The following GNA14 variants were observed in gnomAD, a reference collection of about 807,000 sequenced individuals.
The protein encoded by GNA14 is G protein subunit alpha 14.
A neutral mutation model predicts 42.0 loss-of-function variants in GNA14; 50 were observed. That is an observed-to-expected ratio of 1.19 (90% CI 0.95 to 1.51). The LOEUF is 1.51. GNA14 is among the 40% of genes most tolerant of loss of function. The pLI is 0.00. For synonymous variants in GNA14, 173 were observed against 163.1 expected (o/e 1.06, Z -0.46); for missense variants, 473 against 446.2 (o/e 1.06, Z -0.54).
intron 3 of GNA14, among the ~76,000 whole-genome samples, chr9:77,433,109 C>A (rs1432363229): frequency 2.0e-5 from 3 of 152,202 alleles, no homozygotes; most frequent in African/African-American, 7.2e-5. Flanking sequence ...ATTGAAACCA[C>A]AGGAGGTGAC....
At chr9:77,637,008 G>T (rs535199227) in intron 1 of GNA14, among the ~76,000 whole-genome samples, 1 of 152,264 alleles carries the variant, frequency 6.6e-6, no homozygotes, top group African/African-American at 2.4e-5. Flanking sequence ...GCAGTTTTTA[G>T]GAGCACAGTT....
At chr9:77,515,970 A>AAAAAAAAAAAC (rs1554693931) in intron 2 of GNA14, among the ~76,000 whole-genome samples, 6 of 148,216 alleles carry the variant, frequency 4.0e-5, no homozygotes, top group Non-Finnish European at 8.9e-5. Context: ...CAAAAAAAAA[A>AAAAAAAAAAAC]AAAAAAAAAA....
rs565348026 is a variant in GNA14 at position 77,490,920 on chromosome 9, G to A, written c.309+38149C>T. Among the ~76,000 whole-genome samples, 9 of 152,348 alleles carry A rather than the reference G, an allele frequency of 5.9e-5. No individual in the cohort carries two copies. The East Asian group carries it at 1.5e-3, about 26-fold the overall frequency. On this transcript the variant is annotated intron_variant, in intron 2 of 6. Transcript: ENST00000341700. ...CGCCGAGAGCGAGCAAGGGCTGTGA[G>A]GACTGCCAGCACGCTGTCACGTCTC...
chr9:77,489,680 A>G (rs1019436008), intron 2 of GNA14, among the ~76,000 whole-genome samples: 3 of 151,800 alleles, frequency 2.0e-5, no homozygotes, highest in Non-Finnish European at 4.4e-5. Context: ...TCAGGAGTGA[A>G]GCTGCAGACC....
intron 2 of GNA14, among the ~76,000 whole-genome samples, chr9:77,506,159 G>A (rs568979789): frequency 6.6e-6 from 1 of 151,886 alleles, no homozygotes; most frequent in East Asian, 1.9e-4. Flanking sequence ...GTGCATGCCT[G>A]TAGTACTACC....
intron 2 of GNA14, among the ~76,000 whole-genome samples, chr9:77,481,354 C>G (rs1293563731): frequency 1.3e-5 from 2 of 152,086 alleles, no homozygotes; most frequent in East Asian, 3.9e-4. Context: ...TGTAGTTGAG[C>G]GGTTTTAAGT....
chr9:77,494,738 A>G (rs1441085776), intron 2 of GNA14, among the ~76,000 whole-genome samples: 1 of 152,196 alleles, frequency 6.6e-6, no homozygotes, highest in Admixed American at 6.5e-5. Context: ...ATGAGAGAAG[A>G]AAGGGCCTTC....
intron 2 of GNA14, among the ~76,000 whole-genome samples, chr9:77,462,725 CGGGGGGTG>C (rs1364903426): frequency 3.2e-4 from 4 of 12,540 alleles, no homozygotes; most frequent in African/African-American, 1.6e-3. Context: ...CATCTCGGGG[CGGGGGGTG>C]GGGGGGTGGG....
intron 1 of GNA14, among the ~76,000 whole-genome samples, chr9:77,543,347 G>T (rs1564049617): frequency 2.0e-5 from 3 of 152,146 alleles, no homozygotes; most frequent in African/African-American, 7.2e-5. Flanking sequence ...AGCTGCAGTG[G>T]GATTTGTCCT....
chr9:77,588,245 T>C (rs933510653), intron 1 of GNA14, among the ~76,000 whole-genome samples: 1 of 152,192 alleles, frequency 6.6e-6, no homozygotes, highest in Non-Finnish European at 1.5e-5. Flanking sequence ...TGGGGGGCTA[T>C]CACTCCATCC....
rs189236969 is a variant in GNA14 at position 77,584,955 on chromosome 9, T to C, written c.125-55702A>G. Reference sequence around the variant, plus strand: ...AGAGGTCACTCATGGCTATCTTGGTTTTGGTGGGATTTAGCCGGCTTCTTT... The same window carrying C: ...AGAGGTCACTCATGGCTATCTTGGTCTTGGTGGGATTTAGCCGGCTTCTTT... On this transcript the variant is annotated intron_variant, in intron 1 of 6. Transcript: ENST00000341700. Among the ~76,000 whole-genome samples the C allele has an allele frequency of 3.4e-3, 511 of 152,078 alleles. 1 individual carries two copies. The highest frequency in any genetic ancestry group is 0.012 in the African/African-American group (499 of 41,502).
At chr9:77,539,069 G>C (rs946803663) in intron 1 of GNA14, among the ~76,000 whole-genome samples, 1 of 152,162 alleles carries the variant, frequency 6.6e-6, no homozygotes, top group African/African-American at 2.4e-5. Context: ...GTGAAAGTGG[G>C]CATCCTTGTC....
intron 2 of GNA14, 68 bp from the exon 3 acceptor site, chr9:77,434,590 A>T: frequency 7.2e-7 from 1 of 1,396,898 alleles, no homozygotes; most frequent in Non-Finnish European, 1.0e-6. Flanking sequence ...CAATGTCGGT[A>T]CAAGTCTTGC....
chr9:77,497,568 T>C (rs1354000653), intron 2 of GNA14, among the ~76,000 whole-genome samples: 1 of 152,212 alleles, frequency 6.6e-6, no homozygotes, highest in African/African-American at 2.4e-5. Context: ...TTTACAACTA[T>C]GTAATAATTA....
intron 2 of GNA14, among the ~76,000 whole-genome samples, chr9:77,506,130 A>G (rs1837064330): frequency 6.6e-6 from 1 of 151,758 alleles, no homozygotes; most frequent in African/African-American, 2.4e-5. Context: ...TCAACAAATA[A>G]AATTAGCCAG....
chr9:77,642,319 A>G (rs1369388182), intron 1 of GNA14, among the ~76,000 whole-genome samples: 1 of 152,220 alleles, frequency 6.6e-6, no homozygotes, highest in African/African-American at 2.4e-5. Context: ...GAAGCAAACT[A>G]TCTAGTGAGA....
intron 1 of GNA14, among the ~76,000 whole-genome samples, chr9:77,616,239 C>T (rs1424471451): frequency 6.6e-6 from 1 of 152,170 alleles, no homozygotes; most frequent in African/African-American, 2.4e-5. Context: ...TTGGAAGTGG[C>T]TGGTTCATTA....
At chr9:77,529,330 C>A in intron 1 of GNA14, 77 bp from the exon 2 acceptor site, 2 of 1,088,610 alleles carry the variant, frequency 1.8e-6, no homozygotes, top group South Asian at 1.3e-5. Flanking sequence ...GACCTCCTGG[C>A]AGTATTAATC....
chr9:77,440,252 G>T (rs985503395), intron 2 of GNA14, among the ~76,000 whole-genome samples: 6 of 152,230 alleles, frequency 3.9e-5, no homozygotes, highest in African/African-American at 1.4e-4. Context: ...ACAGTAAAAG[G>T]AGCTGCTGAT....
Sources: allele counts gnomAD v4.1 joint callset (sites outside exome capture counted in the v4.1 genomes callset), GRCh38; gene constraint gnomAD v4.1.1; transcripts MANE v1.5; gene names NCBI Gene and HGNC (gene_info 2026-07-23, HGNC 2026-07-21).